Variants in MAPK3 observed in about 807,000 individuals in gnomAD.
MAPK3 encodes the protein mitogen-activated protein kinase 3.
MAPK3 carries 30 observed loss-of-function variants against 41.8 expected under a neutral mutation model. The observed-to-expected ratio is 0.72, with a 90% confidence interval of 0.54 to 0.97. MAPK3 has a LOEUF of 0.97. MAPK3 is among the 50% of genes least tolerant of loss of function. The pLI, the probability that MAPK3 is intolerant of heterozygous loss-of-function variation, is 0.00. For missense variants in MAPK3, 413 were observed against 509.9 expected, an observed-to-expected ratio of 0.81 and a Z score of 1.83; for synonymous variants, 222 against 213.4, an observed-to-expected ratio of 1.04 and a Z score of -0.35.
chr16:30,123,144 C>G lies in MAPK3; in HGVS notation c.66G>C (p.Pro22=), dbSNP rs541078439. The change falls in exon 1 of 9, where the codon CCG becomes CCC. Residue 22 remains proline (P), a synonymous_variant. Transcript: ENST00000263025. The part of the protein sequence containing the change: ...GEPRRTEGVG[P]GVPGEVEMVK... ...CCATCTCCACCTCCCCCGGGACCCC[C>G]GGGCCGACCCCCTCGGTTCTACGGG... 2.0e-6 allele frequency: 3 copies of G among 1,535,280 alleles called. No homozygotes were observed. Among genetic ancestry groups the G allele is most frequent in the South Asian group, 1.2e-5 (1 of 82,968 alleles).
intron 4 of MAPK3, 120 bp downstream of exon 4, chr16:30,117,927 G>T: frequency 8.9e-7 from 1 of 1,120,356 alleles, no homozygotes; most frequent in Non-Finnish European, 1.3e-6. Flanking sequence ...CTTCCTTGCA[G>T]AGCCCAAGGC....
At chr16:30,117,581 A>C (rs2072970010) in intron 5 of MAPK3, 89 bp downstream of exon 5, 1 of 988,262 alleles carries the variant, frequency 1.0e-6, no homozygotes, top group African/African-American at 1.6e-5. Flanking sequence ...GGCACCCCAC[A>C]CGTGGTGGTA....
Position 30,116,764 on chromosome 16 carries a change from G to A in MAPK3, c.1044C>T (p.Phe348=), listed in dbSNP as rs190124732. ...DEPVAEEPFT[F]AMELDDLPKE... ...TAGGTAGGTCATCCAGCTCCATGGC[G>A]AAGGTGAAGGGCTCCTCGGCCACTG... The change falls in exon 8 of 9, where the codon TTC becomes TTT. Residue 348 remains phenylalanine, a synonymous_variant. Transcript: ENST00000263025. 2.4e-5 allele frequency: 38 copies of A among 1,613,908 alleles called. No homozygotes were observed. The South Asian group carries it at 2.7e-4, about 12-fold the overall frequency.
At chr16:30,117,103 C>T in intron 6 of MAPK3, 51 bp downstream of exon 6, 1 of 1,609,184 alleles carries the variant, frequency 6.2e-7, no homozygotes, top group Non-Finnish European at 8.5e-7. Flanking sequence ...GCTCACACAC[C>T]CTCCACGACA....
intron 2 of MAPK3, among the ~76,000 whole-genome samples, chr16:30,119,302 G>GT (rs558402885): frequency 6.6e-6 from 1 of 151,952 alleles, no homozygotes; most frequent in Admixed American, 6.6e-5. Flanking sequence ...GGGAAATAAT[G>GT]TTTTTTTGTT....
rs772136444 is a variant in MAPK3, at chr16:30,121,949, G to C, written c.228C>G (p.Phe76Leu). 3.1e-6 allele frequency: 5 copies of C among 1,614,076 alleles called. No individual in the cohort carries two copies. Among genetic ancestry groups the C allele is most frequent in the Non-Finnish European group, 4.2e-6 (5 of 1,180,036 alleles). Residue 76 changes from phenylalanine to leucine, a missense_variant, in exon 2 of 9, where the codon TTC becomes TTG. Transcript: ENST00000263025. ...TGCGCTGGCAGTAGGTCTGATGTTC[G>C]AAGGGGCTGATCTTCTTGATGGCCA... is the stretch of plus-strand genomic sequence containing the variant. ...TRVAIKKISP[F>L]EHQTYCQRTL...
chr16:30,114,762 A>G (rs2072938488), intron 8 of MAPK3, 54 bp from the exon 9 acceptor site: 1 of 152,334 alleles, frequency 6.6e-6, no homozygotes, highest in African/African-American at 2.4e-5. Context: ...GGGCAGACCC[A>G]CTGGAGCCCT....
intron 2 of MAPK3, among the ~76,000 whole-genome samples, chr16:30,120,682 CTTTTTTTTTTTT>C (rs34799400): frequency 8.0e-5 from 9 of 113,176 alleles, no homozygotes; most frequent in African/African-American, 1.3e-4. Flanking sequence ...GCTTCCTCAT[CTTTTTTTTTTTT>C]TTTTTTTTTG....
At position 30,117,267 on chromosome 16, in the gene MAPK3, G is replaced by A. The variant is rs2151045125; in HGVS notation, c.794C>T (p.Ser265Phe). Residue 265 changes from serine to phenylalanine, a missense_variant, in exon 6 of 9, where the codon TCC becomes TTC. Around this residue, in one of 4 missense-constraint regions of MAPK3, gnomAD observed 123 missense variants for 147.8 expected, o/e 0.83. Coordinates refer to ENST00000263025, the MANE Select transcript of MAPK3 (RefSeq NM_002746.3). ...GATGATACAATTCAGGTCCTCCTGGGATGGGGAGCCCAGGATGCCTGTGGA... is the reference window on the plus strand; with the variant it reads ...GATGATACAATTCAGGTCCTCCTGGAATGGGGAGCCCAGGATGCCTGTGGA... ...NHILGILGSPSQEDLNCIINM... is the reference protein window; with the variant it reads ...NHILGILGSPFQEDLNCIINM... 1.9e-6 allele frequency: 3 copies of A among 1,614,026 alleles called. No individual in the cohort carries two copies. Among genetic ancestry groups the A allele is most frequent in the Non-Finnish European group, 2.5e-6 (3 of 1,179,980 alleles).
In MAPK3 at chr16:30,117,268, A is replaced by T; in HGVS notation, c.793T>A (p.Ser265Thr). 6.2e-7 allele frequency: 1 copy of T among 1,613,944 alleles called. No individual in the cohort carries two copies. The highest frequency in any genetic ancestry group is 8.5e-7 in the Non-Finnish European group (1 of 1,179,926). Reference sequence around the variant, plus strand: ...ATGATACAATTCAGGTCCTCCTGGGATGGGGAGCCCAGGATGCCTGTGGAT... The same window carrying T: ...ATGATACAATTCAGGTCCTCCTGGGTTGGGGAGCCCAGGATGCCTGTGGAT... ...NHILGILGSP[S>T]QEDLNCIINM... Residue 265 changes from serine (S) to threonine (T), a missense_variant, in exon 6 of 9, where the codon TCC becomes ACC. This residue lies in a region of MAPK3 where 123 missense variants were observed against 147.8 expected (regional missense o/e 0.83). Coordinates refer to ENST00000263025, the MANE Select transcript of MAPK3 (RefSeq NM_002746.3).
rs1326850245 is a variant in MAPK3 at position 30,123,121 on chromosome 16, A to G, written c.89T>C (p.Met30Thr). 2 of 1,514,458 alleles carry G rather than the reference A, an allele frequency of 1.3e-6. No homozygotes were observed. The highest frequency in any genetic ancestry group is 1.8e-4 in the Middle Eastern group (1 of 5,610). 93.8% of individuals were successfully genotyped at this position (1,514,458 alleles called of 1,614,324 possible). A position where few individuals can be genotyped will look rare whatever the true frequency, so the allele number is the denominator to read the frequency against. ...CACGTCGAACGGCTGCCCCTTCACC[A>G]TCTCCACCTCCCCCGGGACCCCCGG... ...VGPGVPGEVEMVKGQPFDVGP... is the reference protein window; with the variant it reads ...VGPGVPGEVETVKGQPFDVGP... The change falls in exon 1 of 9, where the codon ATG becomes ACG. Residue 30 changes from methionine to threonine, a missense_variant. By Grantham distance (81) the Met-to-Thr change is moderately conservative. Transcript: ENST00000263025.
chr16:30,122,309 A>G, intron 1 of MAPK3: 1 of 450,736 alleles, frequency 2.2e-6, no homozygotes, highest in East Asian at 4.5e-5. Flanking sequence ...CATTCCCAGG[A>G]AAGGCTCCTT....
In MAPK3 at chr16:30,121,987, G is replaced by A. The variant is rs753070820; in HGVS notation, c.190C>T (p.Arg64Cys). Residue 64 changes from arginine to cysteine, a missense_variant, in exon 2 of 9, where the codon CGC becomes TGC. By Grantham distance (180) the Arg-to-Cys change is radical. Transcript: ENST00000263025. ...GMVSSAYDHV[R>C]KTRVAIKKIS... ...TTCTTGATGGCCACGCGAGTCTTGCGCACGTGGTCATAGGCCGAGCTGAGG... is the reference window on the plus strand; with the variant it reads ...TTCTTGATGGCCACGCGAGTCTTGCACACGTGGTCATAGGCCGAGCTGAGG... 6.2e-7 allele frequency: 1 copy of A among 1,614,130 alleles called. No homozygotes were observed. The highest frequency in any genetic ancestry group is 8.5e-7 in the Non-Finnish European group (1 of 1,180,038).
rs553354961 is a variant in MAPK3, at chr16:30,121,062, C to T, written c.353+762G>A. On this transcript the variant is annotated intron_variant, in intron 2 of 8. Coordinates refer to ENST00000263025, the MANE Select transcript of MAPK3 (RefSeq NM_002746.3). The stretch of plus-strand genomic sequence containing the variant: ...GTAATAGAAAAAAAAAAGCATTGGG[C>T]ATGTATAGTACCTGACACACAGCAG... Among the ~76,000 whole-genome samples, 96 of 151,808 alleles carry T rather than the reference C, an allele frequency of 6.3e-4. 1 individual carries two copies. The highest frequency in any genetic ancestry group is 2.7e-4 in the Non-Finnish European group (18 of 67,920).
intron 1 of MAPK3, 60 bp from the exon 2 acceptor site, chr16:30,122,066 T>A (rs1023180071): frequency 1.3e-6 from 2 of 1,553,998 alleles, no homozygotes; most frequent in African/African-American, 1.4e-5. Context: ...CCGGGCCTGG[T>A]GGCCCCACCC....
chr16:30,122,560 C>G (rs2073027283), intron 1 of MAPK3: 1 of 174,506 alleles, frequency 5.7e-6, no homozygotes, highest in East Asian at 1.6e-4. Flanking sequence ...CCTCATCTCT[C>G]TCTGGGCCCC....
rs375146669 is a variant in MAPK3, at chr16:30,123,118, A to C, written c.92T>G (p.Val31Gly). 56 of 1,552,772 alleles carry C rather than the reference A, an allele frequency of 3.6e-5. No individual in the cohort carries two copies. The highest frequency in any genetic ancestry group is 4.5e-5 in the Non-Finnish European group (52 of 1,152,512). Reference protein sequence around the residue: ...GPGVPGEVEMVKGQPFDVGPR... With the variant: ...GPGVPGEVEMGKGQPFDVGPR... Reference sequence around the variant, plus strand: ...GCCCACGTCGAACGGCTGCCCCTTCACCATCTCCACCTCCCCCGGGACCCC... The same window carrying C: ...GCCCACGTCGAACGGCTGCCCCTTCCCCATCTCCACCTCCCCCGGGACCCC... Residue 31 changes from valine to glycine, a missense_variant, in exon 1 of 9, where the codon GTG becomes GGG. Physicochemically the swap from Val to Gly is moderately radical, Grantham distance 109. Transcript: ENST00000263025.
chr16:30,118,243 C>T, intron 3 of MAPK3, 80 bp from the exon 4 acceptor site: 3 of 1,567,740 alleles, frequency 1.9e-6, no homozygotes, highest in Admixed American at 1.7e-5. Context: ...TCTTTGCCTC[C>T]ACTGTTCCCT....
At chr16:30,120,288 C>T (rs1331061589) in intron 2 of MAPK3, among the ~76,000 whole-genome samples, 1 of 152,210 alleles carries the variant, frequency 6.6e-6, no homozygotes, top group Non-Finnish European at 1.5e-5. Flanking sequence ...CAGTGACTTG[C>T]TTCAGATCAC....
Sources: allele counts gnomAD v4.1 joint callset (sites outside exome capture counted in the v4.1 genomes callset), GRCh38; gene constraint gnomAD v4.1.1; regional missense constraint gnomAD v4.1.1; transcripts MANE v1.5; gene names NCBI Gene and HGNC (gene_info 2026-07-23, HGNC 2026-07-21).